WDPCP: variants seen among roughly 807,000 people sequenced by gnomAD.
The protein encoded by WDPCP is WD repeat-containing and planar cell polarity effector protein fritz homolog.
A neutral mutation model predicts 93.1 loss-of-function variants in WDPCP; 71 were observed. The observed-to-expected ratio is 0.76, with a 90% CI of 0.63 to 0.93. The LOEUF (loss-of-function observed/expected upper bound fraction) is 0.93, where lower values mean the gene tolerates loss of function less well. WDPCP is among the 40% of genes least tolerant of loss of function. The pLI, the probability that WDPCP is intolerant of heterozygous loss-of-function variation, is 0.00. For synonymous variants in WDPCP, 315 were observed against 315.0 expected (o/e 1.00, Z 0.00); for missense variants, 844 against 887.4 (o/e 0.95, Z 0.62).
rs1368471911 is a variant in WDPCP, at chr2:63,504,495, A to G, written c.76-11555T>C. 2.0e-5 allele frequency among the ~76,000 whole-genome samples: 3 copies of G among 152,000 alleles called. No individual in the cohort carries two copies. The East Asian group carries it at 5.8e-4, about 29-fold the overall frequency. On this transcript the variant is annotated intron_variant, in intron 1 of 17. Transcript: ENST00000272321. ...ACCCTAAACCCCTTAATTTATAAATATGGAAACTGAAATCTATGAGGGTAA... is the reference window on the plus strand; with the variant it reads ...ACCCTAAACCCCTTAATTTATAAATGTGGAAACTGAAATCTATGAGGGTAA...
chr2:63,123,449 C>G (rs1669682421), intron 17 of WDPCP, among the ~76,000 whole-genome samples: 1 of 152,096 alleles, frequency 6.6e-6, no homozygotes, highest in East Asian at 1.9e-4. Flanking sequence ...TTAATCCTCT[C>G]TTACCTTAGG....
chr2:63,803,860 A>C (rs956906183), intron 2 of WDPCP, among the ~76,000 whole-genome samples: 1 of 152,210 alleles, frequency 6.6e-6, no homozygotes, highest in African/African-American at 2.4e-5. Context: ...ACATAATTTC[A>C]GTGTTTAGTT....
At chr2:63,447,925 G>C (rs78054523) in intron 6 of WDPCP, among the ~76,000 whole-genome samples, 1 of 151,926 alleles carries the variant, frequency 6.6e-6, no homozygotes, top group Non-Finnish European at 1.5e-5. Flanking sequence ...AATGAGTTTC[G>C]GGTAGGCATA....
At chr2:63,195,802 T>C (rs1675387276) in intron 14 of WDPCP, among the ~76,000 whole-genome samples, 2 of 152,098 alleles carry the variant, frequency 1.3e-5, no homozygotes, top group Admixed American at 1.3e-4. Context: ...TTATAAAAAG[T>C]TAAAATTTAT....
chr2:63,323,079 A>G (rs1354009270), intron 12 of WDPCP, among the ~76,000 whole-genome samples: 1 of 152,206 alleles, frequency 6.6e-6, no homozygotes, highest in Non-Finnish European at 1.5e-5. Flanking sequence ...GTCGACAGAG[A>G]GGAAAGCCAT....
intron 12 of WDPCP, among the ~76,000 whole-genome samples, chr2:63,369,945 C>T (rs1691242070): frequency 6.6e-6 from 1 of 152,116 alleles, no homozygotes; most frequent in Non-Finnish European, 1.5e-5. Flanking sequence ...TAAAGGAAAC[C>T]AGACTGCCAG....
chr2:63,647,250 G>T (rs553399543), intron 3 of WDPCP, among the ~76,000 whole-genome samples: 4 of 152,038 alleles, frequency 2.6e-5, no homozygotes, highest in African/African-American at 9.7e-5. Context: ...CGATTCTCTG[G>T]CCTCAGCCTC....
intron 2 of WDPCP, among the ~76,000 whole-genome samples, chr2:63,779,741 T>A (rs1670361405): frequency 6.6e-6 from 1 of 152,142 alleles, no homozygotes; most frequent in Middle Eastern, 3.2e-3. Context: ...GAGGAGGCAG[T>A]TTCACCAAAG....
At chr2:63,569,581 T>C (rs1402574426) in intron 1 of WDPCP, among the ~76,000 whole-genome samples, 1 of 152,218 alleles carries the variant, frequency 6.6e-6, no homozygotes, top group Non-Finnish European at 1.5e-5. Flanking sequence ...CTACCTGATA[T>C]TGAACACCTG....
intron 10 of WDPCP, among the ~76,000 whole-genome samples, chr2:63,390,816 T>C (rs1221975189): frequency 6.6e-6 from 1 of 152,166 alleles, no homozygotes; most frequent in African/African-American, 2.4e-5. Flanking sequence ...CCTGGACATA[T>C]ACACTCTCCC....
intron 3 of WDPCP, among the ~76,000 whole-genome samples, chr2:63,602,195 G>C (rs888114329): frequency 1.3e-5 from 2 of 152,188 alleles, no homozygotes; most frequent in African/African-American, 4.8e-5. Context: ...TAAGAAAGCA[G>C]TCTCAACTAG....
intron 17 of WDPCP, among the ~76,000 whole-genome samples, chr2:63,148,010 T>C (rs1671644280): frequency 6.8e-6 from 1 of 146,738 alleles, no homozygotes; most frequent in African/African-American, 2.5e-5. Context: ...GTGAAGGAGA[T>C]AATTAAACCA....
At chr2:63,492,830 T>C (rs757022552) in intron 2 of WDPCP, 26 bp downstream of exon 2, 43 of 1,603,086 alleles carry the variant, frequency 2.7e-5, no homozygotes, top group South Asian at 1.9e-4. Context: ...TTGAAAAATA[T>C]TGAAATTAAT....
At chr2:63,548,141 T>A (rs547988665) in intron 1 of WDPCP, among the ~76,000 whole-genome samples, 31 of 152,072 alleles carry the variant, frequency 2.0e-4, no homozygotes, top group African/African-American at 6.3e-4. Context: ...CAAATTTTTT[T>A]AAAAAGCAAA....
intron 2 of WDPCP, among the ~76,000 whole-genome samples, chr2:63,491,453 G>A (rs529871878): frequency 1.7e-4 from 26 of 152,224 alleles, no homozygotes; most frequent in African/African-American, 6.3e-4. Context: ...TCCCTCAAAC[G>A]TCTATATACT....
chr2:63,365,776 A>G (rs1225464126), intron 12 of WDPCP, among the ~76,000 whole-genome samples: 2 of 152,212 alleles, frequency 1.3e-5, no homozygotes, highest in Non-Finnish European at 2.9e-5. Flanking sequence ...TACCACTCGC[A>G]GAACTAAGTT....
intron 14 of WDPCP, among the ~76,000 whole-genome samples, chr2:63,248,700 G>C (rs1026577729): frequency 6.6e-6 from 1 of 152,006 alleles, no homozygotes; most frequent in African/African-American, 2.4e-5. Context: ...CATAGGTTTA[G>C]TTCACTTTTC....
At chr2:63,221,150 T>C (rs574670403) in intron 14 of WDPCP, among the ~76,000 whole-genome samples, 6 of 152,164 alleles carry the variant, frequency 3.9e-5, no homozygotes, top group Admixed American at 1.3e-4. Context: ...GTGAATAGTA[T>C]ATGCCTATTT....
intron 6 of WDPCP, among the ~76,000 whole-genome samples, chr2:63,462,362 GA>G (rs1214111517): frequency 1.3e-5 from 2 of 152,164 alleles, no homozygotes; most frequent in Non-Finnish European, 2.9e-5. Context: ...GGGTCGAGGA[GA>G]GGGGAGGGAT....
Sources: gnomAD v4.1 joint callset for allele counts (sites outside exome capture counted in the v4.1 genomes callset) on GRCh38, gnomAD v4.1.1 for gene constraint, MANE v1.5 for transcripts, NCBI Gene and HGNC (gene_info 2026-07-23, HGNC 2026-07-21) for gene names.